CDH13: variants seen among roughly 807,000 people sequenced by gnomAD.
CDH13 encodes the protein cadherin 13.
Under a neutral mutation model 63.8 loss-of-function variants are expected in CDH13, and 24 were observed. The ratio of observed to expected loss-of-function variants is 0.38; its 90% confidence interval spans 0.27 to 0.53. The LOEUF (loss-of-function observed/expected upper bound fraction) is 0.53. CDH13 is among the 20% of genes least tolerant of loss of function. The pLI is 0.85. For missense variants in CDH13, 1,049 were observed against 903.1 expected (o/e 1.16, Z -2.07); for synonymous variants, 503 against 355.3 (o/e 1.42, Z -4.67).
In CDH13 at chr16:83,169,164, G is replaced by A. The variant is rs576900813; in HGVS notation, c.483+43663G>A. 6.6e-5 allele frequency among the ~76,000 whole-genome samples: 10 copies of A among 151,320 alleles called. 1 individual carries two copies. The highest frequency in any genetic ancestry group is 6.3e-4 in the South Asian group (3 of 4,766). On this transcript the variant is annotated intron_variant, in intron 4 of 13. Transcript: ENST00000567109. Reference sequence around the variant, plus strand: ...AGTCCCTGCTTACCTTATGCTTGCCGGCATTCAGTGCTTAGGTTTCCTTTT... The same window carrying A: ...AGTCCCTGCTTACCTTATGCTTGCCAGCATTCAGTGCTTAGGTTTCCTTTT...
intron 2 of CDH13, among the ~76,000 whole-genome samples, chr16:82,912,013 C>T (rs180760806): frequency 1.3e-5 from 2 of 151,986 alleles, no homozygotes; most frequent in African/African-American, 4.8e-5. Context: ...CCAGCTCTTC[C>T]GTGTGCAGCC....
At chr16:82,919,613 A>T (rs1274579626) in intron 2 of CDH13, among the ~76,000 whole-genome samples, 1 of 152,174 alleles carries the variant, frequency 6.6e-6, no homozygotes, top group African/African-American at 2.4e-5. Flanking sequence ...CTCACCATTG[A>T]TGGGCATTTA....
Position 83,295,219 on chromosome 16 carries a change from A to G in CDH13, c.637-49643A>G, listed in dbSNP as rs145841013. Reference sequence around the variant, plus strand: ...GGACTCCTATCTGACACCATATATAAAAATCAACTCAAAATGAAATAAAGA... The same window carrying G: ...GGACTCCTATCTGACACCATATATAGAAATCAACTCAAAATGAAATAAAGA... On this transcript the variant is annotated intron_variant, in intron 5 of 13. Coordinates refer to ENST00000567109, the MANE Select transcript of CDH13 (RefSeq NM_001257.5). Among the ~76,000 whole-genome samples the G allele has an allele frequency of 1.9e-3, 290 of 152,316 alleles. 1 individual carries two copies. Among genetic ancestry groups the G allele is most frequent in the African/African-American group, 5.8e-3 (242 of 41,576 alleles).
intron 6 of CDH13, among the ~76,000 whole-genome samples, chr16:83,398,657 GCTT>G (rs2091923315): frequency 6.6e-6 from 1 of 152,040 alleles, no homozygotes; most frequent in African/African-American, 2.4e-5. Flanking sequence ...CTGAGATTAT[GCTT>G]TTTTGTACTT....
intron 1 of CDH13, among the ~76,000 whole-genome samples, chr16:82,633,427 C>A (rs146590544): frequency 6.6e-6 from 1 of 152,326 alleles, no homozygotes; most frequent in African/African-American, 2.4e-5. Context: ...TCACCCAAGC[C>A]GGAGTGCGGT....
intron 2 of CDH13, among the ~76,000 whole-genome samples, chr16:82,933,455 C>T (rs1281367939): frequency 6.6e-6 from 1 of 152,154 alleles, no homozygotes; most frequent in Non-Finnish European, 1.5e-5. Context: ...TTCAGATTAC[C>T]ATTCAAGATG....
intron 1 of CDH13, among the ~76,000 whole-genome samples, chr16:82,822,753 C>G (rs1700290231): frequency 6.6e-6 from 1 of 152,196 alleles, no homozygotes; most frequent in Admixed American, 6.5e-5. Flanking sequence ...CCTTGGCCTC[C>G]CAAAGTGCTG....
At chr16:83,434,040 G>C (rs562582271) in intron 6 of CDH13, among the ~76,000 whole-genome samples, 22 of 152,250 alleles carry the variant, frequency 1.4e-4, no homozygotes, top group African/African-American at 5.1e-4. Context: ...TATAAGGTGA[G>C]AGGTTTCCCA....
At chr16:82,652,641 G>A (rs1280144311) in intron 1 of CDH13, among the ~76,000 whole-genome samples, 4 of 149,644 alleles carry the variant, frequency 2.7e-5, no homozygotes, top group Non-Finnish European at 6.0e-5. Context: ...TGCTGCTGCT[G>A]CTGCTGCTGC....
chr16:83,470,466 T>A (rs1470413967), intron 6 of CDH13, among the ~76,000 whole-genome samples: 2 of 152,144 alleles, frequency 1.3e-5, no homozygotes, highest in Non-Finnish European at 2.9e-5. Flanking sequence ...TGATCTTGGT[T>A]TTTTCCTTTA....
In CDH13 at chr16:82,884,460, C is replaced by G. The variant is rs535629501; in HGVS notation, c.157+25987C>G. 3.9e-5 allele frequency: 11 copies of G among 283,940 alleles called. No individual in the cohort carries two copies. The East Asian group carries it at 8.9e-4, about 23-fold the overall frequency. 17.6% of individuals were successfully genotyped at this position (283,940 alleles called of 1,614,324 possible). A position where few individuals can be genotyped will look rare whatever the true frequency, so the allele number is the denominator to read the frequency against. ...TTAGTTAACAGCAGCAACCCAGTGC[C>G]TGTAATTTTCAAGTCCTTGGAGGCA... is the stretch of plus-strand genomic sequence containing the variant. On this transcript the variant is annotated intron_variant, in intron 2 of 13. Coordinates refer to ENST00000567109, the MANE Select transcript of CDH13 (RefSeq NM_001257.5).
intron 2 of CDH13, among the ~76,000 whole-genome samples, chr16:83,007,551 C>G (rs531348118): frequency 6.6e-6 from 1 of 152,088 alleles, no homozygotes; most frequent in Non-Finnish European, 1.5e-5. Flanking sequence ...GTCTTAAGGC[C>G]GGGCTCAGTG....
intron 11 of CDH13, among the ~76,000 whole-genome samples, chr16:83,776,176 C>G (rs983701455): frequency 6.6e-5 from 10 of 152,188 alleles, no homozygotes; most frequent in African/African-American, 2.4e-4. Flanking sequence ...CAGTAGTATA[C>G]TTAAGTTCAC....
chr16:83,294,618 G>A (rs12922452), intron 5 of CDH13, among the ~76,000 whole-genome samples: 81,237 of 150,326 alleles, frequency 0.54, 22,064 homozygotes, highest in South Asian at 0.68. Context: ...GTGTGTGTGT[G>A]TATATATATA....
At chr16:83,377,157 C>T (rs1031669403) in intron 6 of CDH13, among the ~76,000 whole-genome samples, 2 of 152,040 alleles carry the variant, frequency 1.3e-5, no homozygotes, top group South Asian at 2.1e-4. Context: ...ATCATAAACA[C>T]GATAAAAGTG....
intron 5 of CDH13, among the ~76,000 whole-genome samples, chr16:83,233,417 T>C (rs1273691890): frequency 6.6e-6 from 1 of 152,192 alleles, no homozygotes; most frequent in Non-Finnish European, 1.5e-5. Flanking sequence ...TGTATTAGTT[T>C]TCTATTTCTG....
intron 5 of CDH13, among the ~76,000 whole-genome samples, chr16:83,309,568 G>T (rs563994758): frequency 1.3e-5 from 2 of 152,116 alleles, no homozygotes; most frequent in East Asian, 1.9e-4. Flanking sequence ...GTGAAGATGG[G>T]GTTTCACCAT....
At chr16:82,710,030 C>A (rs1377931990) in intron 1 of CDH13, among the ~76,000 whole-genome samples, 1 of 151,140 alleles carries the variant, frequency 6.6e-6, no homozygotes, top group East Asian at 1.9e-4. Flanking sequence ...CAAAGACTGC[C>A]TTAAATAAAA....
intron 1 of CDH13, among the ~76,000 whole-genome samples, chr16:82,636,977 C>T (rs1394960878): frequency 6.6e-6 from 1 of 152,190 alleles, no homozygotes; most frequent in African/African-American, 2.4e-5. Context: ...CTTCAGCAAG[C>T]AGCTTGAATG....
Sources: allele counts gnomAD v4.1 joint callset (sites outside exome capture counted in the v4.1 genomes callset), GRCh38; gene constraint gnomAD v4.1.1; transcripts MANE v1.5; gene names NCBI Gene and HGNC (gene_info 2026-07-23, HGNC 2026-07-21).